ASIC2: variants seen among roughly 807,000 people sequenced by gnomAD.
ASIC2 encodes acid sensing ion channel subunit 2.
A neutral mutation model predicts 57.3 loss-of-function variants in ASIC2; 25 were observed. The observed-to-expected ratio is 0.44, with a 90% CI of 0.32 to 0.61. The LOEUF (loss-of-function observed/expected upper bound fraction) is 0.61. Among genes scored for constraint, ASIC2 ranks in the 20% least tolerant of loss-of-function variants. The pLI, the probability that ASIC2 is intolerant of heterozygous loss-of-function variation, is 0.06. For synonymous variants in ASIC2, 319 were observed against 307.5 expected, an observed-to-expected ratio of 1.04 and a Z score of -0.39; for missense variants, 641 against 738.1, an observed-to-expected ratio of 0.87 and a Z score of 1.52.
chr17:33,653,064 T>C (rs1039963588), intron 1 of ASIC2, among the ~76,000 whole-genome samples: 3 of 152,228 alleles, frequency 2.0e-5, no homozygotes, highest in Non-Finnish European at 4.4e-5. Flanking sequence ...ATAATATATT[T>C]GACCCTCAAG....
rs73986718 is a variant in ASIC2, at chr17:33,796,398, T to G, written c.555+359580A>C. 7.7e-4 allele frequency among the ~76,000 whole-genome samples: 117 copies of G among 152,346 alleles called. 2 individuals carry two copies. Among genetic ancestry groups the G allele is most frequent in the African/African-American group, 2.7e-3 (114 of 41,584 alleles). ...TGCTTATTGATAAAAATAAGGCTAA[T>G]TCTTAACTTCCAAGGATTTTGTTGG... On this transcript the variant is annotated intron_variant, in intron 1 of 9. Transcript: ENST00000359872.
intron 1 of ASIC2, among the ~76,000 whole-genome samples, chr17:33,290,126 A>C (rs567964255): frequency 3.3e-5 from 5 of 152,242 alleles, no homozygotes; most frequent in Non-Finnish European, 4.4e-5. Context: ...CAGGGCTACT[A>C]AATATACAAG....
chr17:33,436,679 TTCA>T lies in ASIC2; in HGVS notation c.556-324615_556-324613del, dbSNP rs547753213. On this transcript the variant is annotated intron_variant, in intron 1 of 9. Transcript: ENST00000359872. ...TGACTTGAGTGACAGTGTCAGTCCT[TTCA>T]CTCAGCTGCTCTGCATTAATTAAAC... 1.4e-4 allele frequency among the ~76,000 whole-genome samples: 21 copies of T among 152,196 alleles called. No individual in the cohort carries two copies. The East Asian group carries it at 4.1e-3, about 29-fold the overall frequency.
At chr17:33,714,187 C>T (rs995765768) in intron 1 of ASIC2, among the ~76,000 whole-genome samples, 5 of 152,000 alleles carry the variant, frequency 3.3e-5, no homozygotes, top group Non-Finnish European at 7.4e-5. Flanking sequence ...AAATGAACAC[C>T]CTCACTAAAC....
At chr17:34,014,586 C>T (rs1271941446) in intron 1 of ASIC2, among the ~76,000 whole-genome samples, 1 of 152,218 alleles carries the variant, frequency 6.6e-6, no homozygotes, top group Non-Finnish European at 1.5e-5. Context: ...CCCAGCCCTG[C>T]TCTGCTCTCA....
chr17:33,940,090 C>T (rs781385045), intron 1 of ASIC2, among the ~76,000 whole-genome samples: 3 of 152,170 alleles, frequency 2.0e-5, no homozygotes, highest in African/African-American at 2.4e-5. Flanking sequence ...GAGAGCAATA[C>T]GCTACTCTAG....
intron 1 of ASIC2, among the ~76,000 whole-genome samples, chr17:33,522,529 G>C (rs1214659669): frequency 6.6e-6 from 1 of 152,136 alleles, no homozygotes; most frequent in Non-Finnish European, 1.5e-5. Context: ...AAACTTCTCT[G>C]ACCCTCTGTT....
intron 1 of ASIC2, among the ~76,000 whole-genome samples, chr17:33,827,266 C>G (rs781430226): frequency 1.3e-5 from 2 of 150,334 alleles, no homozygotes; most frequent in Non-Finnish European, 3.0e-5. Context: ...GACAGGGAGA[C>G]AAAGACAACA....
intron 1 of ASIC2, among the ~76,000 whole-genome samples, chr17:33,731,574 A>G (rs193161535): frequency 1.1e-3 from 168 of 152,316 alleles, no homozygotes; most frequent in African/African-American, 4.0e-3. Context: ...TAGGAATTTA[A>G]TATACAGAGA....
At chr17:33,157,958 G>A (rs1045825582) in intron 1 of ASIC2, among the ~76,000 whole-genome samples, 3 of 152,148 alleles carry the variant, frequency 2.0e-5, no homozygotes, top group Admixed American at 2.0e-4. Context: ...ACAGGCTTCT[G>A]CCCTTGCTGT....
intron 1 of ASIC2, among the ~76,000 whole-genome samples, chr17:33,626,632 G>C (rs1033229254): frequency 6.6e-6 from 1 of 152,140 alleles, no homozygotes; most frequent in South Asian, 2.1e-4. Context: ...AATCGAAGCT[G>C]TGTTTGTGTG....
At chr17:33,579,318 C>T (rs1004453686) in intron 1 of ASIC2, among the ~76,000 whole-genome samples, 1 of 145,970 alleles carries the variant, frequency 6.9e-6, no homozygotes, top group South Asian at 2.1e-4. Flanking sequence ...AGGTGGGTGA[C>T]TCAGATGTTG....
At chr17:33,747,650 C>G (rs1355621877) in intron 1 of ASIC2, among the ~76,000 whole-genome samples, 1 of 152,202 alleles carries the variant, frequency 6.6e-6, no homozygotes, top group Non-Finnish European at 1.5e-5. Flanking sequence ...CCACCTCTCC[C>G]TCAGATTCTC....
chr17:33,104,756 T>C (rs1356077770), intron 2 of ASIC2, among the ~76,000 whole-genome samples: 1 of 152,226 alleles, frequency 6.6e-6, no homozygotes, highest in African/African-American at 2.4e-5. Context: ...AGGGCTTTTA[T>C]GACCACATTG....
intron 1 of ASIC2, among the ~76,000 whole-genome samples, chr17:33,915,874 T>C (rs1915572894): frequency 6.6e-6 from 1 of 152,104 alleles, no homozygotes. Context: ...GAAGATGGCA[T>C]AGGTGAGATT....
chr17:33,179,283 G>A (rs1252013898), intron 1 of ASIC2, among the ~76,000 whole-genome samples: 1 of 152,102 alleles, frequency 6.6e-6, no homozygotes, highest in Non-Finnish European at 1.5e-5. Context: ...TTTGTGGCTG[G>A]CAGTTAGAGG....
chr17:33,974,120 G>GT (rs149280108), intron 1 of ASIC2, among the ~76,000 whole-genome samples: 41 of 149,830 alleles, frequency 2.7e-4, no homozygotes, highest in Middle Eastern at 3.5e-3. Flanking sequence ...GCTTTCTTAG[G>GT]TTTTTTTTTT....
At chr17:33,091,311 G>A (rs78038357) in intron 2 of ASIC2, among the ~76,000 whole-genome samples, 39 of 152,314 alleles carry the variant, frequency 2.6e-4, no homozygotes, top group Non-Finnish European at 4.0e-4. Context: ...AACAGACTCA[G>A]ATGGGGAAGA....
chr17:33,716,442 C>T (rs1344669560), intron 1 of ASIC2, among the ~76,000 whole-genome samples: 5 of 152,230 alleles, frequency 3.3e-5, no homozygotes, highest in African/African-American at 7.2e-5. Context: ...TCTTGCTAAG[C>T]ACTTGATCCT....
Sources: gnomAD v4.1 joint callset for allele counts (sites outside exome capture counted in the v4.1 genomes callset) on GRCh38, gnomAD v4.1.1 for gene constraint, MANE v1.5 for transcripts, NCBI Gene and HGNC (gene_info 2026-07-23, HGNC 2026-07-21) for gene names.